The following SP4 variants were observed in gnomAD, a reference collection of about 807,000 sequenced individuals.
SP4 encodes transcription factor Sp4.
A neutral mutation model predicts 72.8 loss-of-function variants in SP4; 19 were observed. The ratio of observed to expected loss-of-function variants is 0.26; its 90% confidence interval spans 0.18 to 0.38. The LOEUF (loss-of-function observed/expected upper bound fraction) is 0.38, where lower values mean the gene tolerates loss of function less well. Ranked by LOEUF, SP4 falls within the 10% of genes least tolerant of loss-of-function variation. The probability of loss-of-function intolerance (pLI) is 1.00; values close to 1 mark genes in which losing one functional copy is unlikely to be tolerated. For missense variants in SP4, 1,008 were observed against 926.3 expected (o/e 1.09, Z -1.14); for synonymous variants, 395 against 333.1 (o/e 1.19, Z -2.02).
intron 4 of SP4, 25 bp downstream of exon 4, chr7:21,477,332 GTC>G (rs762103063): frequency 4.6e-6 from 7 of 1,521,350 alleles, no homozygotes; most frequent in Non-Finnish European, 6.4e-6. Context: ...TTTCAACTGT[GTC>G]TATTTGGAAG....
chr7:21,452,804 A>G (rs1159666832), intron 3 of SP4, among the ~76,000 whole-genome samples: 3 of 145,452 alleles, frequency 2.1e-5, no homozygotes, highest in Non-Finnish European at 4.5e-5. Context: ...TTTTTTTGAG[A>G]CAGAGTCTCA....
chr7:21,452,698 A>G (rs1783636392), intron 3 of SP4, among the ~76,000 whole-genome samples: 1 of 152,240 alleles, frequency 6.6e-6, no homozygotes, highest in Non-Finnish European at 1.5e-5. Flanking sequence ...TTAGTTAAGA[A>G]TACTCACAAG....
intron 3 of SP4, among the ~76,000 whole-genome samples, chr7:21,469,621 A>T (rs889484618): frequency 5.3e-5 from 8 of 149,818 alleles, no homozygotes; most frequent in African/African-American, 2.0e-4. Flanking sequence ...CACTCACTGC[A>T]ACCTCCGCCT....
intron 5 of SP4, among the ~76,000 whole-genome samples, chr7:21,497,789 A>T (rs1781759869): frequency 6.6e-6 from 1 of 152,184 alleles, no homozygotes; most frequent in Non-Finnish European, 1.5e-5. Context: ...AAATAGCCTA[A>T]ATAAAGCATT....
At chr7:21,488,436 A>C (rs573299309) in intron 5 of SP4, among the ~76,000 whole-genome samples, 1 of 150,410 alleles carries the variant, frequency 6.6e-6, no homozygotes, top group Admixed American at 6.6e-5. Context: ...TCTAGTTTGC[A>C]GACATTTGAT....
chr7:21,454,355 C>CTTTTTTTTT (rs3060615), intron 3 of SP4, among the ~76,000 whole-genome samples: 2 of 148,414 alleles, frequency 1.3e-5, no homozygotes, highest in African/African-American at 4.9e-5. Flanking sequence ...CTTTTACTAA[C>CTTTTTTTTT]TTTTTTTTTT....
At chr7:21,461,213 G>C (rs1007361583) in intron 3 of SP4, among the ~76,000 whole-genome samples, 4 of 152,166 alleles carry the variant, frequency 2.6e-5, no homozygotes, top group African/African-American at 9.6e-5. Context: ...TCAGCCCTTG[G>C]GCAGTCGATG....
rs752955074 is a variant in SP4 at position 21,430,268 on chromosome 7, C to G, written c.1103C>G (p.Thr368Ser). 6.2e-7 allele frequency: 1 copy of G among 1,614,244 alleles called. No individual in the cohort carries two copies. Among genetic ancestry groups the G allele is most frequent in the Non-Finnish European group, 8.5e-7 (1 of 1,180,046 alleles). Residue 368 changes from threonine (T) to serine (S), a missense_variant, in exon 3 of 6, where the codon ACT becomes AGT. Physicochemically the swap from Thr to Ser is moderately conservative, Grantham distance 58. Coordinates refer to ENST00000222584, the MANE Select transcript of SP4 (RefSeq NM_003112.5). ...TIEESQTPAA[T>S]ESEAQSSSQL... Reference sequence around the variant, plus strand: ...GAAGAATCTCAAACACCTGCTGCTACTGAGTCTGAAGCCCAGAGCTCCAGT... The same window carrying G: ...GAAGAATCTCAAACACCTGCTGCTAGTGAGTCTGAAGCCCAGAGCTCCAGT...
intron 5 of SP4, among the ~76,000 whole-genome samples, chr7:21,485,971 G>T (rs1047988181): frequency 6.6e-6 from 1 of 151,706 alleles, no homozygotes; most frequent in Non-Finnish European, 1.5e-5. Context: ...TACTCTCTTC[G>T]TTGCTGGAAA....
Position 21,430,437 on chromosome 7 carries a change from G to A in SP4, c.1272G>A (p.Ser424=), listed in dbSNP as rs373558369. 1 of 1,614,024 alleles carries A rather than the reference G, an allele frequency of 6.2e-7. No individual in the cohort carries two copies. Among genetic ancestry groups the A allele is most frequent in the African/African-American group, 1.3e-5 (1 of 74,892 alleles). The change falls in exon 3 of 6, where the codon TCG becomes TCA. Residue 424 remains serine (S), a synonymous_variant. Transcript: ENST00000222584. ...TCATTCAGGCTATTCCACCACAGTC[G>A]TTTCAACTCCAGTCAGGGCAGACGA... The part of the protein sequence containing the change: ...QQIIQAIPPQ[S]FQLQSGQTIQ...
rs1369526828 is a variant in SP4, at chr7:21,430,644, A to G, written c.1479A>G (p.Gln493=). 10 of 1,614,094 alleles carry G rather than the reference A, an allele frequency of 6.2e-6. No homozygotes were observed. The highest frequency in any genetic ancestry group is 1.3e-5 in the African/African-American group (1 of 74,922). ...LQVQNAGLSQ[Q]LTITPVSSSG... ...TTCAGAATGCTGGGTTATCCCAACA[A>G]TTAACCATCACCCCAGTGTCTTCAA... Residue 493 remains glutamine (Q), a synonymous_variant, in exon 3 of 6, where the codon CAA becomes CAG. Coordinates refer to ENST00000222584, the MANE Select transcript of SP4 (RefSeq NM_003112.5).
chr7:21,429,209 C>A, intron 2 of SP4, 80 bp from the exon 3 acceptor site: 3 of 713,574 alleles, frequency 4.2e-6, no homozygotes, highest in South Asian at 1.9e-5. Flanking sequence ...ATAAGTAACC[C>A]CCTGGCAACT....
At chr7:21,448,826 A>G (rs1056396814) in intron 3 of SP4, among the ~76,000 whole-genome samples, 11 of 152,244 alleles carry the variant, frequency 7.2e-5, no homozygotes, top group South Asian at 4.1e-4. Flanking sequence ...CATCTGTAAC[A>G]TATAACAATG....
intron 5 of SP4, among the ~76,000 whole-genome samples, chr7:21,505,771 TGGGAGAATTGGA>T: frequency 6.6e-6 from 1 of 152,208 alleles, no homozygotes; most frequent in Non-Finnish European, 1.5e-5. Context: ...TCAGGCTCTT[TGGGAGAATTGGA>T]GTATTGTAAC....
At chr7:21,450,488 G>T (rs1294974864) in intron 3 of SP4, among the ~76,000 whole-genome samples, 3 of 152,042 alleles carry the variant, frequency 2.0e-5, no homozygotes, top group Non-Finnish European at 2.9e-5. Flanking sequence ...ATCCAGTTTG[G>T]TGTTCCACAT....
At chr7:21,450,707 A>C (rs1783563717) in intron 3 of SP4, among the ~76,000 whole-genome samples, 1 of 152,242 alleles carries the variant, frequency 6.6e-6, no homozygotes, top group South Asian at 2.1e-4. Context: ...CTCTCTGCCC[A>C]GGAAAATCTT....
At chr7:21,479,467 T>G (rs567513249) in intron 4 of SP4, among the ~76,000 whole-genome samples, 1 of 152,206 alleles carries the variant, frequency 6.6e-6, no homozygotes, top group Non-Finnish European at 1.5e-5. Flanking sequence ...TTCTGGACTT[T>G]CAGTTGTATT....
chr7:21,465,649 TAG>T, intron 3 of SP4, among the ~76,000 whole-genome samples: 1 of 152,314 alleles, frequency 6.6e-6, no homozygotes, highest in African/African-American at 2.4e-5. Context: ...TCTCCTACCC[TAG>T]AAAGTCCCTT....
chr7:21,429,356 A>C lies in SP4; in HGVS notation c.191A>C (p.Asn64Thr). ...TCSKIGTPGE[N>T]QATGQQQIII... Reference sequence around the variant, plus strand: ...AGCAAAATAGGGACTCCTGGTGAAAATCAAGCAACTGGACAACAACAAATT... The same window carrying C: ...AGCAAAATAGGGACTCCTGGTGAAACTCAAGCAACTGGACAACAACAAATT... Residue 64 changes from asparagine (N) to threonine (T), a missense_variant, in exon 3 of 6, where the codon AAT becomes ACT. Coordinates refer to ENST00000222584, the MANE Select transcript of SP4 (RefSeq NM_003112.5). 2 of 1,613,836 alleles carry C rather than the reference A, an allele frequency of 1.2e-6. No individual in the cohort carries two copies. Among genetic ancestry groups the C allele is most frequent in the Non-Finnish European group, 1.7e-6 (2 of 1,179,970 alleles).
Sources: allele counts gnomAD v4.1 joint callset (sites outside exome capture counted in the v4.1 genomes callset), GRCh38; gene constraint gnomAD v4.1.1; transcripts MANE v1.5; gene names NCBI Gene and HGNC (gene_info 2026-07-23, HGNC 2026-07-21).